The following USH2A variants were observed in gnomAD, a reference collection of about 807,000 sequenced individuals.
USH2A encodes the protein Usher syndrome 2A (autosomal recessive, mild).
In USH2A, 443 loss-of-function variants were observed where a neutral mutation model predicts 538.9. The observed-to-expected ratio is 0.82, with a 90% CI of 0.76 to 0.89. The LOEUF (loss-of-function observed/expected upper bound fraction) is 0.89, where lower values mean the gene tolerates loss of function less well. Among genes scored for constraint, USH2A ranks in the 40% least tolerant of loss-of-function variants. USH2A has a pLI of 0.00. For synonymous variants in USH2A, 2,413 were observed against 2,273.5 expected, an observed-to-expected ratio of 1.06 and a Z score of -1.75; for missense variants, 6,633 against 6,324.8, an observed-to-expected ratio of 1.05 and a Z score of -1.65.
chr1:215,647,859 C>T, intron 66 of USH2A, 129 bp from the exon 67 acceptor site: 1 of 1,091,974 alleles, frequency 9.2e-7, no homozygotes, highest in Non-Finnish European at 1.3e-6. Flanking sequence ...TTAAAATTTC[C>T]ATTTGCAGGA....
chr1:216,018,368 C>A (rs1297267320), intron 32 of USH2A, among the ~76,000 whole-genome samples: 1 of 152,156 alleles, frequency 6.6e-6, no homozygotes, highest in Non-Finnish European at 1.5e-5. Flanking sequence ...AGGCTGAGGA[C>A]CACATCCAGC....
intron 3 of USH2A, among the ~76,000 whole-genome samples, chr1:216,390,101 G>A (rs1353910177): frequency 6.6e-6 from 1 of 152,100 alleles, no homozygotes; most frequent in Non-Finnish European, 1.5e-5. Flanking sequence ...ATGAGTTTTT[G>A]TCCTGTGTGA....
intron 55 of USH2A, among the ~76,000 whole-genome samples, chr1:215,774,226 A>G (rs1571673253): frequency 1.3e-5 from 2 of 152,110 alleles, no homozygotes; most frequent in South Asian, 2.1e-4. Context: ...ACTACTTGCT[A>G]TAAGCTAACT....
rs147246776 is a variant in USH2A at position 216,335,631 on chromosome 1, G to A, written c.785-7977C>T. ...TGCAGTCACAAAAAAGGATCATAAG[G>A]GATACTATGAACAACTGTATGCCAA... On this transcript the variant is annotated intron_variant, in intron 4 of 71. Coordinates refer to ENST00000307340, the MANE Select transcript of USH2A (RefSeq NM_206933.4). Among the ~76,000 whole-genome samples the A allele has an allele frequency of 8.6e-5, 13 of 151,378 alleles. No individual in the cohort carries two copies. The East Asian group carries it at 2.5e-3, about 29-fold the overall frequency.
intron 32 of USH2A, among the ~76,000 whole-genome samples, chr1:216,025,997 C>T (rs963295289): frequency 2.0e-5 from 3 of 152,028 alleles, no homozygotes; most frequent in African/African-American, 7.2e-5. Flanking sequence ...GAGGGCAATA[C>T]AAGAATATTG....
intron 37 of USH2A, among the ~76,000 whole-genome samples, chr1:215,937,529 T>G (rs1472529541): frequency 6.6e-6 from 1 of 152,038 alleles, no homozygotes; most frequent in Non-Finnish European, 1.5e-5. Context: ...TGGTTAAGAT[T>G]AAATATGACC....
At chr1:215,789,292 G>A (rs912160067) in intron 51 of USH2A, among the ~76,000 whole-genome samples, 2 of 152,164 alleles carry the variant, frequency 1.3e-5, no homozygotes, top group South Asian at 2.1e-4. Flanking sequence ...TGTACAAAGT[G>A]TATGTGGTCT....
intron 40 of USH2A, among the ~76,000 whole-genome samples, chr1:215,896,668 G>C (rs577366664): frequency 1.1e-3 from 167 of 150,208 alleles, no homozygotes; most frequent in Non-Finnish European, 2.0e-3. Context: ...CGAGAGAGAA[G>C]GAACAATCAT....
intron 64 of USH2A, among the ~76,000 whole-genome samples, chr1:215,667,886 T>C (rs533238415): frequency 1.3e-5 from 2 of 152,216 alleles, no homozygotes; most frequent in Non-Finnish European, 2.9e-5. Context: ...TTCAATGATT[T>C]AACTCAAAAC....
chr1:215,682,569 A>T (rs2102673909), intron 61 of USH2A, among the ~76,000 whole-genome samples: 1 of 152,320 alleles, frequency 6.6e-6, no homozygotes, highest in East Asian at 1.9e-4. Flanking sequence ...TTTACGGCTC[A>T]GATCCTTGAA....
chr1:216,052,308 C>T (rs558637605), intron 30 of USH2A, among the ~76,000 whole-genome samples: 1 of 151,034 alleles, frequency 6.6e-6, no homozygotes, highest in East Asian at 2.0e-4. Flanking sequence ...CATTTCAAGC[C>T]CGGTGAAACA....
chr1:216,262,083 C>A (rs185553057), intron 11 of USH2A, among the ~76,000 whole-genome samples: 25 of 152,194 alleles, frequency 1.6e-4, no homozygotes, highest in Admixed American at 1.6e-3. Flanking sequence ...TCCCTATAAG[C>A]GCTAGTCCAT....
At chr1:215,780,376 T>C (rs1001417392) in intron 54 of USH2A, among the ~76,000 whole-genome samples, 31 of 152,202 alleles carry the variant, frequency 2.0e-4, no homozygotes, top group Admixed American at 2.0e-3. Context: ...CTCTCTTCCA[T>C]ATGGCCCATC....
chr1:216,376,133 C>T (rs577677766), intron 3 of USH2A, among the ~76,000 whole-genome samples: 66 of 152,134 alleles, frequency 4.3e-4, no homozygotes, highest in African/African-American at 1.5e-3. Context: ...ATACACAAAA[C>T]GAGCACATGC....
intron 38 of USH2A, among the ~76,000 whole-genome samples, chr1:215,912,499 A>ATATATGTG (rs1553275509): frequency 2.3e-5 from 1 of 43,236 alleles, no homozygotes; most frequent in Non-Finnish European, 4.5e-5. Flanking sequence ...ATGTGTATAT[A>ATATATGTG]TATATATATA....
intron 19 of USH2A, among the ~76,000 whole-genome samples, chr1:216,191,045 C>G (rs940212040): frequency 3.3e-5 from 5 of 151,864 alleles, no homozygotes. Flanking sequence ...AACTCACAGT[C>G]CATAAATAAA....
chr1:216,362,376 GC>G (rs1259335099), intron 4 of USH2A, among the ~76,000 whole-genome samples: 1 of 151,914 alleles, frequency 6.6e-6, no homozygotes, highest in Non-Finnish European at 1.5e-5. Context: ...TTCTGAGTCA[GC>G]ATTCAACAAT....
intron 44 of USH2A, among the ~76,000 whole-genome samples, chr1:215,856,459 A>G (rs1304257893): frequency 1.3e-5 from 2 of 152,160 alleles, no homozygotes; most frequent in African/African-American, 4.8e-5. Flanking sequence ...ACTCAACATC[A>G]CTAATGATCA....
intron 11 of USH2A, among the ~76,000 whole-genome samples, chr1:216,287,908 C>G (rs2036917828): frequency 6.6e-6 from 1 of 152,116 alleles, no homozygotes; most frequent in African/African-American, 2.4e-5. Flanking sequence ...GATAATCTCT[C>G]TTTATTCATT....
Sources: gnomAD v4.1 joint callset for allele counts (sites outside exome capture counted in the v4.1 genomes callset) on GRCh38, gnomAD v4.1.1 for gene constraint, MANE v1.5 for transcripts, NCBI Gene and HGNC (gene_info 2026-07-23, HGNC 2026-07-21) for gene names.